The following PDGFRL variants were observed in gnomAD, a reference collection of about 807,000 sequenced individuals.
The protein encoded by PDGFRL is platelet derived growth factor receptor like.
PDGFRL carries 46 observed loss-of-function variants against 37.2 expected under a neutral mutation model. The ratio of observed to expected loss-of-function variants is 1.24; its 90% CI spans 0.98 to 1.58. The LOEUF (loss-of-function observed/expected upper bound fraction) is 1.58. Among genes scored for constraint, PDGFRL ranks in the 40% most tolerant of loss-of-function variants. PDGFRL has a pLI of 0.00. For missense variants in PDGFRL, 692 were observed against 467.6 expected, an observed-to-expected ratio of 1.48 and a Z score of -4.43; for synonymous variants, 251 against 184.3, an observed-to-expected ratio of 1.36 and a Z score of -2.93.
intron 2 of PDGFRL, among the ~76,000 whole-genome samples, chr8:17,597,906 A>C (rs563064746): frequency 6.6e-6 from 1 of 152,298 alleles, no homozygotes; most frequent in East Asian, 1.9e-4. Context: ...GTGATTTCAT[A>C]TGGATTTTTA....
At chr8:17,593,295 C>T (rs1803982151) in intron 2 of PDGFRL, among the ~76,000 whole-genome samples, 1 of 152,050 alleles carries the variant, frequency 6.6e-6, no homozygotes, top group African/African-American at 2.4e-5. Flanking sequence ...GGTTTATCCT[C>T]TTAATGATTT....
chr8:17,627,294 G>T (rs1252523927), intron 3 of PDGFRL, among the ~76,000 whole-genome samples: 1 of 152,192 alleles, frequency 6.6e-6, no homozygotes, highest in Non-Finnish European at 1.5e-5. Flanking sequence ...GTAGTTTACA[G>T]CTTATTAGCT....
At chr8:17,631,784 G>A (rs1804866325) in intron 4 of PDGFRL, among the ~76,000 whole-genome samples, 1 of 151,822 alleles carries the variant, frequency 6.6e-6, no homozygotes, top group Non-Finnish European at 1.5e-5. Flanking sequence ...ATTTTTCCCA[G>A]CTTCCCCCAC....
chr8:17,592,959 C>G (rs990178423), intron 2 of PDGFRL, among the ~76,000 whole-genome samples: 2 of 150,724 alleles, frequency 1.3e-5, no homozygotes, highest in Admixed American at 6.6e-5. Flanking sequence ...CACTACTCTA[C>G]ACACACACCT....
chr8:17,594,121 TTG>T (rs1411533281), intron 2 of PDGFRL, among the ~76,000 whole-genome samples: 1 of 151,646 alleles, frequency 6.6e-6, no homozygotes. Context: ...TGCAGCGTAT[TTG>T]TTTTTTTTGT....
intron 1 of PDGFRL, among the ~76,000 whole-genome samples, chr8:17,585,721 CTG>C (rs771723504): frequency 1.3e-5 from 2 of 152,108 alleles, no homozygotes; most frequent in Non-Finnish European, 2.9e-5. Context: ...ATATTAATGA[CTG>C]TGCTTAACAA....
intron 2 of PDGFRL, among the ~76,000 whole-genome samples, chr8:17,601,126 T>C (rs1326363537): frequency 2.0e-5 from 3 of 152,236 alleles, no homozygotes; most frequent in Admixed American, 1.3e-4. Flanking sequence ...ACTTTCGTTA[T>C]TCACTCCCGC....
At chr8:17,623,873 C>CAAAAAAAAA (rs67846013) in intron 3 of PDGFRL, among the ~76,000 whole-genome samples, 6 of 142,004 alleles carry the variant, frequency 4.2e-5, no homozygotes, top group Admixed American at 3.5e-4. Flanking sequence ...GACTTTACCT[C>CAAAAAAAAA]AAAAAAAAAA....
chr8:17,642,604 G>T lies in PDGFRL; in HGVS notation c.940-9G>T, dbSNP rs572494073. 1 of 1,586,850 alleles carries T rather than the reference G, an allele frequency of 6.3e-7. No individual in the cohort carries two copies. The highest frequency in any genetic ancestry group is 8.7e-7 in the Non-Finnish European group (1 of 1,155,484). ...TCTTGCTTCAGTCTTTGTGGGTGTC[G>T]TTAAACAGGATGAAAGGCCTGTGAC... On this transcript the variant is annotated splice_polypyrimidine_tract_variant and intron_variant, in intron 5 of 5. Coordinates refer to ENST00000251630, the MANE Select transcript of PDGFRL (RefSeq NM_001372073.1).
At chr8:17,578,840 A>G (rs1164566611) in intron 1 of PDGFRL, among the ~76,000 whole-genome samples, 1 of 152,248 alleles carries the variant, frequency 6.6e-6, no homozygotes, top group Non-Finnish European at 1.5e-5. Context: ...AGTGGAATAC[A>G]GACTGAATGT....
intron 1 of PDGFRL, among the ~76,000 whole-genome samples, chr8:17,581,653 G>C (rs1257624535): frequency 6.6e-6 from 1 of 152,052 alleles, no homozygotes; most frequent in Non-Finnish European, 1.5e-5. Context: ...GCTTGTTAAA[G>C]AGAGTCTGGT....
chr8:17,643,136 T>TTAAG lies in PDGFRL; in HGVS notation c.*337_*340dup. The TTAAG allele has an allele frequency of 4.6e-6, 1 of 216,732 alleles. No homozygotes were observed. The highest frequency in any genetic ancestry group is 1.6e-3 in the Middle Eastern group (1 of 610). 13.4% of individuals were successfully genotyped at this position (216,732 alleles called of 1,614,324 possible). On this transcript the variant is annotated 3_prime_UTR_variant, in exon 6 of 6. Coordinates refer to ENST00000251630, the MANE Select transcript of PDGFRL (RefSeq NM_001372073.1). ...AAATAAAAAGTGGGATAAGTGTTTT[T>TTAAG]TAAGTTAAGTTGACTTAAAATACAT...
intron 4 of PDGFRL, among the ~76,000 whole-genome samples, chr8:17,629,851 C>G (rs751502221): frequency 6.6e-6 from 1 of 152,150 alleles, no homozygotes; most frequent in African/African-American, 2.4e-5. Flanking sequence ...TGTTCAATGA[C>G]TCCCTCAGCC....
In PDGFRL at chr8:17,584,591, C is replaced by T. The variant is rs1014469017; in HGVS notation, c.56-4877C>T. Among the ~76,000 whole-genome samples the T allele has an allele frequency of 4.6e-5, 7 of 152,086 alleles. No homozygotes were observed. In the South Asian group the frequency reaches 1.5e-3, roughly 32 times the overall value. The stretch of plus-strand genomic sequence containing the variant: ...AGGAAAACCAAGGCAGCACAGGGTC[C>T]TGCGAGCCATGTGAATCGAGTTTTT... On this transcript the variant is annotated intron_variant, in intron 1 of 5. Coordinates refer to ENST00000251630, the MANE Select transcript of PDGFRL (RefSeq NM_001372073.1).
intron 3 of PDGFRL, among the ~76,000 whole-genome samples, chr8:17,626,759 C>T (rs533795624): frequency 1.3e-5 from 2 of 152,190 alleles, no homozygotes; most frequent in East Asian, 3.9e-4. Context: ...CCACCAGCAC[C>T]AACAAAAATA....
chr8:17,576,889 A>C (rs1007459106), upstream of PDGFRL: 33 of 278,568 alleles, frequency 1.2e-4, no homozygotes, highest in Non-Finnish European at 1.8e-4. Flanking sequence ...CGTGGTTAAA[A>C]GTGACCCCAT....
At chr8:17,611,719 T>A (rs1804420758) in intron 2 of PDGFRL, among the ~76,000 whole-genome samples, 1 of 152,060 alleles carries the variant, frequency 6.6e-6, no homozygotes, top group African/African-American at 2.4e-5. Context: ...CTGTGTGCAA[T>A]GGGAGAAGCT....
intron 2 of PDGFRL, among the ~76,000 whole-genome samples, chr8:17,595,708 C>T (rs1323358353): frequency 1.3e-5 from 2 of 152,186 alleles, no homozygotes; most frequent in African/African-American, 4.8e-5. Flanking sequence ...GCCTCTAGCC[C>T]TGTGGTGGGG....
intron 1 of PDGFRL, among the ~76,000 whole-genome samples, chr8:17,584,968 A>G (rs1013893598): frequency 6.6e-6 from 1 of 151,918 alleles, no homozygotes; most frequent in Admixed American, 6.6e-5. Flanking sequence ...ATGCTAAACA[A>G]GGGGTGGATT....
Sources: gnomAD v4.1 joint callset for allele counts (sites outside exome capture counted in the v4.1 genomes callset) on GRCh38, gnomAD v4.1.1 for gene constraint, MANE v1.5 for transcripts, NCBI Gene and HGNC (gene_info 2026-07-23, HGNC 2026-07-21) for gene names.